CSPP1: variants seen among roughly 807,000 people sequenced by gnomAD.
CSPP1 encodes centrosome and spindle pole-associated protein 1.
CSPP1 carries 126 observed loss-of-function variants against 164.4 expected under a neutral mutation model. The observed-to-expected ratio is 0.77, with a 90% CI of 0.66 to 0.89. CSPP1 has a LOEUF of 0.89. CSPP1 is among the 40% of genes least tolerant of loss of function. The pLI, the probability that CSPP1 is intolerant of heterozygous loss-of-function variation, is 0.00. For missense variants in CSPP1, 1,395 were observed against 1,449.8 expected (o/e 0.96, Z 0.61); for synonymous variants, 472 against 476.7 (o/e 0.99, Z 0.13).
intron 28 of CSPP1, among the ~76,000 whole-genome samples, chr8:67,181,187 C>A (rs576152505): frequency 6.6e-6 from 1 of 151,846 alleles, no homozygotes; most frequent in African/African-American, 2.4e-5. Context: ...ACAGCATGCA[C>A]CACGATACCT....
intron 3 of CSPP1, among the ~76,000 whole-genome samples, chr8:67,083,043 A>G (rs1809534993): frequency 6.6e-6 from 1 of 152,180 alleles, no homozygotes; most frequent in Non-Finnish European, 1.5e-5. Flanking sequence ...ACTTACCTCT[A>G]ATGCCATAAA....
At chr8:67,176,137 A>G (rs972552898) in intron 26 of CSPP1, among the ~76,000 whole-genome samples, 2 of 152,112 alleles carry the variant, frequency 1.3e-5, no homozygotes, top group Non-Finnish European at 2.9e-5. Flanking sequence ...CTCAGAGAGC[A>G]CTGATGGGCC....
intron 21 of CSPP1, 45 bp downstream of exon 21, chr8:67,159,182 ACTTT>A: frequency 6.5e-7 from 1 of 1,530,716 alleles, no homozygotes; most frequent in Non-Finnish European, 8.9e-7. Context: ...AGTTTAACTC[ACTTT>A]CACTGTGAGA....
intron 15 of CSPP1, among the ~76,000 whole-genome samples, chr8:67,128,932 A>C (rs1247725122): frequency 1.3e-5 from 2 of 152,186 alleles, no homozygotes; most frequent in African/African-American, 4.8e-5. Context: ...TAATTGGGGT[A>C]ATAATGGTAT....
At chr8:67,110,225 A>T (rs1816567446) in intron 9 of CSPP1, among the ~76,000 whole-genome samples, 1 of 151,500 alleles carries the variant, frequency 6.6e-6, no homozygotes, top group South Asian at 2.1e-4. Context: ...CTTTTCAAGC[A>T]GGCTGCTTCT....
intron 9 of CSPP1, among the ~76,000 whole-genome samples, chr8:67,107,050 T>G (rs561898713): frequency 6.6e-5 from 10 of 152,044 alleles, no homozygotes; most frequent in Non-Finnish European, 1.0e-4. Context: ...ATGTTTTGTT[T>G]TTTTTTTTTA....
chr8:67,113,555 T>C (rs1817317337), intron 10 of CSPP1, among the ~76,000 whole-genome samples: 1 of 152,212 alleles, frequency 6.6e-6, no homozygotes, highest in Non-Finnish European at 1.5e-5. Flanking sequence ...GAATTAGTCT[T>C]TGAAATACTC....
intron 6 of CSPP1, 117 bp downstream of exon 6, chr8:67,093,758 T>G: frequency 3.7e-6 from 2 of 538,700 alleles, no homozygotes; most frequent in Non-Finnish European, 6.5e-6. Flanking sequence ...ACTTGCAAAA[T>G]TAAGCCAAAT....
At chr8:67,156,676 T>C (rs1303664399) in intron 19 of CSPP1, among the ~76,000 whole-genome samples, 1 of 152,192 alleles carries the variant, frequency 6.6e-6, no homozygotes, top group African/African-American at 2.4e-5. Context: ...AATGTTCAAA[T>C]CTGTGCACAA....
chr8:67,143,261 A>G (rs1403055951), intron 17 of CSPP1, among the ~76,000 whole-genome samples: 1 of 151,822 alleles, frequency 6.6e-6, no homozygotes, highest in Non-Finnish European at 1.5e-5. Context: ...CTTGATTACT[A>G]TAGCTTTGTA....
intron 24 of CSPP1, among the ~76,000 whole-genome samples, chr8:67,165,294 G>T (rs1335273947): frequency 6.6e-6 from 1 of 152,106 alleles, no homozygotes; most frequent in Non-Finnish European, 1.5e-5. Flanking sequence ...ACGAAGAAAA[G>T]TTGCAAACAA....
Position 67,196,006 on chromosome 8 carries a change from G to A in CSPP1, c.*413G>A, listed in dbSNP as rs534795972. ...TCATTTAGTAGGTACATCTATTGTA[G>A]CTGTGATTATTCCAGTTTCTGTGTG... is the stretch of plus-strand genomic sequence containing the variant. On this transcript the variant is annotated 3_prime_UTR_variant, in exon 31 of 31. Coordinates refer to ENST00000678616, the MANE Select transcript of CSPP1 (RefSeq NM_001382391.1). 1 of 162,200 alleles carries A rather than the reference G, an allele frequency of 6.2e-6. No individual in the cohort carries two copies. Among genetic ancestry groups the A allele is most frequent in the Admixed American group, 5.9e-5 (1 of 17,054 alleles). 10.0% of individuals were successfully genotyped at this position (162,200 alleles called of 1,614,324 possible).
chr8:67,095,209 T>C, intron 6 of CSPP1, 84 bp from the exon 7 acceptor site: 1 of 694,244 alleles, frequency 1.4e-6, no homozygotes, highest in Non-Finnish European at 2.3e-6. Context: ...AATGATAGAC[T>C]AAGTATAAAT....
At chr8:67,191,115 C>T (rs16933190) in intron 29 of CSPP1, among the ~76,000 whole-genome samples, 19,586 of 152,124 alleles carry the variant, frequency 0.13, 2,523 homozygotes, top group African/African-American at 0.33. Context: ...ATAGGCATCA[C>T]CTTCATTTCG....
intron 16 of CSPP1, 91 bp downstream of exon 16, chr8:67,132,171 A>G (rs188114612): frequency 1.5e-4 from 190 of 1,250,142 alleles, no homozygotes; most frequent in Middle Eastern, 8.0e-4. Flanking sequence ...GGAGGGGAAA[A>G]AAAACAGTTA....
chr8:67,158,522 C>T lies in CSPP1; in HGVS notation c.2317C>T (p.Leu773Phe), dbSNP rs756752410. The T allele has an allele frequency of 2.5e-6, 4 of 1,612,462 alleles. No individual in the cohort carries two copies. The highest frequency in any genetic ancestry group is 3.4e-6 in the Non-Finnish European group (4 of 1,179,084). ...RIAEEKEERR[L>F]AEQRARIQQE... ...TGCAGAAGAAAAAGAAGAAAGACGG[C>T]TTGCAGAACAGAGGGCACGAATTCA... Residue 773 changes from leucine (L) to phenylalanine (F), a missense_variant, in exon 20 of 31, where the codon CTT becomes TTT. Physicochemically the swap from Leu to Phe is conservative, Grantham distance 22. Transcript: ENST00000678616.
Position 67,195,766 on chromosome 8 carries a change from A to AT in CSPP1, c.*175dup, listed in dbSNP as rs1437444522. On this transcript the variant is annotated 3_prime_UTR_variant, in exon 31 of 31. Coordinates refer to ENST00000678616, the MANE Select transcript of CSPP1 (RefSeq NM_001382391.1). Reference sequence around the variant, plus strand: ...TTATGTACATAAATAAAAGGCCATGATTATTGATTTATATAATAGAATTGT... The same window carrying AT: ...TTATGTACATAAATAAAAGGCCATGATTTATTGATTTATATAATAGAATTGT... 18 of 597,444 alleles carry AT rather than the reference A, an allele frequency of 3.0e-5. No homozygotes were observed. The highest frequency in any genetic ancestry group is 5.4e-5 in the Non-Finnish European group (18 of 332,998). The allele number at this position is 597,444 out of a possible 1,614,324, so 37.0% of individuals were successfully genotyped here. A position where few individuals can be genotyped will look rare whatever the true frequency, so the allele number is the denominator to read the frequency against.
intron 18 of CSPP1, among the ~76,000 whole-genome samples, chr8:67,152,723 A>G (rs1220939364): frequency 6.6e-6 from 1 of 152,218 alleles, no homozygotes; most frequent in Non-Finnish European, 1.5e-5. Context: ...GTGTATATTT[A>G]GTTTGTTTTC....
intron 7 of CSPP1, among the ~76,000 whole-genome samples, chr8:67,100,750 T>TA (rs1280702207): frequency 2.7e-5 from 4 of 149,648 alleles, no homozygotes; most frequent in Admixed American, 6.7e-5. Flanking sequence ...CGGCCTCTGT[T>TA]AAAAAAATTT....
Sources: allele counts gnomAD v4.1 joint callset (sites outside exome capture counted in the v4.1 genomes callset), GRCh38; gene constraint gnomAD v4.1.1; transcripts MANE v1.5; gene names NCBI Gene and HGNC (gene_info 2026-07-23, HGNC 2026-07-21).